RALGPS1: variants seen among roughly 807,000 people sequenced by gnomAD.
RALGPS1 encodes the protein Ral GEF with PH domain and SH3 binding motif 1, also known as ras-specific guanine nucleotide-releasing factor RalGPS1.
Under a neutral mutation model 78.8 loss-of-function variants are expected in RALGPS1, and 19 were observed. The observed-to-expected ratio is 0.24, with a 90% CI of 0.17 to 0.35. The LOEUF is 0.35. Ranked by LOEUF, RALGPS1 falls within the 10% of genes least tolerant of loss-of-function variation. RALGPS1 has a pLI of 1.00. For synonymous variants in RALGPS1, 228 were observed against 256.3 expected, an observed-to-expected ratio of 0.89 and a Z score of 1.06; for missense variants, 454 against 688.3, an observed-to-expected ratio of 0.66 and a Z score of 3.81.
intron 8 of RALGPS1, among the ~76,000 whole-genome samples, chr9:127,157,933 A>G (rs1207453100): frequency 2.6e-5 from 4 of 152,012 alleles, no homozygotes; most frequent in African/African-American, 9.7e-5. Flanking sequence ...CATTGTTTTA[A>G]TTTTCTAATA....
intron 8 of RALGPS1, among the ~76,000 whole-genome samples, chr9:127,106,724 C>T (rs1443667921): frequency 2.6e-5 from 4 of 152,230 alleles, no homozygotes; most frequent in Non-Finnish European, 4.4e-5. Flanking sequence ...TCACCCACCC[C>T]ATCTGAAAAC....
chr9:126,964,189 C>G (rs2039208701), intron 2 of RALGPS1, among the ~76,000 whole-genome samples: 1 of 151,818 alleles, frequency 6.6e-6, no homozygotes, highest in African/African-American at 2.4e-5. Context: ...GAAACCCTGC[C>G]CCTACTGAAA....
In RALGPS1 at chr9:127,127,630, T is replaced by C. The variant is rs2056714208; in HGVS notation, c.611-38439T>C. 2.6e-5 allele frequency among the ~76,000 whole-genome samples: 4 copies of C among 152,078 alleles called. No homozygotes were observed. The South Asian group carries it at 8.3e-4, about 31-fold the overall frequency. On this transcript the variant is annotated intron_variant, in intron 8 of 18. Coordinates refer to ENST00000259351, the MANE Select transcript of RALGPS1 (RefSeq NM_014636.3). ...AGATGTACTGTCCTCACAAGCCCTG[T>C]TGGAGCACCTTATGTAGCTACTTGT...
intron 14 of RALGPS1, among the ~76,000 whole-genome samples, chr9:127,209,412 C>T (rs2062112648): frequency 6.6e-6 from 1 of 152,206 alleles, no homozygotes; most frequent in African/African-American, 2.4e-5. Context: ...TGCACTCCAC[C>T]CCTCTTTCTG....
At chr9:127,164,744 T>A (rs901346091) in intron 8 of RALGPS1, among the ~76,000 whole-genome samples, 1 of 151,982 alleles carries the variant, frequency 6.6e-6, no homozygotes, top group Non-Finnish European at 1.5e-5. Flanking sequence ...TTTGTCATGT[T>A]GCCCAGGCTG....
chr9:127,013,948 T>C (rs557124784), intron 4 of RALGPS1, among the ~76,000 whole-genome samples: 23 of 152,218 alleles, frequency 1.5e-4, no homozygotes, highest in Non-Finnish European at 3.1e-4. Flanking sequence ...CTTTTCCTTA[T>C]GCGTTCAGCA....
chr9:126,930,553 A>G (rs571858), intron 1 of RALGPS1, among the ~76,000 whole-genome samples: 110,494 of 152,108 alleles, frequency 0.73, 40,364 homozygotes, highest in East Asian at 0.82. Context: ...GACGGTTCTC[A>G]TGCTTCAGCC....
intron 1 of RALGPS1, among the ~76,000 whole-genome samples, chr9:126,937,973 G>A (rs2036414403): frequency 6.6e-6 from 1 of 152,166 alleles, no homozygotes; most frequent in South Asian, 2.1e-4. Context: ...GGGGAGGTGG[G>A]TGCTCCTTTA....
chr9:126,969,836 T>C (rs1445327870), intron 3 of RALGPS1, among the ~76,000 whole-genome samples: 1 of 152,158 alleles, frequency 6.6e-6, no homozygotes, highest in Non-Finnish European at 1.5e-5. Context: ...CTGGGAAGAC[T>C]GTAGGGAAGG....
At chr9:127,118,271 A>G (rs1288207122) in intron 8 of RALGPS1, among the ~76,000 whole-genome samples, 1 of 152,120 alleles carries the variant, frequency 6.6e-6, no homozygotes, top group Non-Finnish European at 1.5e-5. Flanking sequence ...ACTGTTATGA[A>G]CTCAGTCATA....
At chr9:127,167,782 C>T (rs2059368821) in intron 9 of RALGPS1, among the ~76,000 whole-genome samples, 1 of 152,222 alleles carries the variant, frequency 6.6e-6, no homozygotes. Flanking sequence ...GGTCCTTCCT[C>T]GCCCTCTTTT....
At chr9:127,075,692 T>C (rs1484747320) in intron 8 of RALGPS1, among the ~76,000 whole-genome samples, 3 of 152,256 alleles carry the variant, frequency 2.0e-5, no homozygotes, top group African/African-American at 7.2e-5. Flanking sequence ...TGTAGGTCAG[T>C]CCCTGATACT....
intron 11 of RALGPS1, among the ~76,000 whole-genome samples, chr9:127,193,189 G>A (rs553612089): frequency 2.8e-4 from 42 of 152,278 alleles, no homozygotes; most frequent in South Asian, 2.7e-3. Flanking sequence ...GAAGGGCCCC[G>A]GCCTGGTGGG....
chr9:127,207,193 C>T (rs1181373443), intron 14 of RALGPS1, among the ~76,000 whole-genome samples: 1 of 152,102 alleles, frequency 6.6e-6, no homozygotes, highest in East Asian at 1.9e-4. Context: ...TCTCATTGTC[C>T]CATCATTATC....
At chr9:126,959,486 C>CT (rs1354466320) in intron 1 of RALGPS1, among the ~76,000 whole-genome samples, 1 of 152,126 alleles carries the variant, frequency 6.6e-6, no homozygotes, top group East Asian at 1.9e-4. Context: ...ACAAAAATGA[C>CT]TATCAAATGA....
chr9:127,217,012 C>G, intron 18 of RALGPS1: 1 of 1,518,238 alleles, frequency 6.6e-7, no homozygotes, highest in Non-Finnish European at 8.8e-7. Flanking sequence ...AGCCTGGGCA[C>G]CATGGTGGCC....
intron 1 of RALGPS1, among the ~76,000 whole-genome samples, chr9:126,928,955 G>GCCTCAGT (rs1256502359): frequency 6.6e-6 from 1 of 152,078 alleles, no homozygotes; most frequent in African/African-American, 2.4e-5. Context: ...ACCTCTTTGG[G>GCCTCAGT]CCTCAGTTTT....
In RALGPS1 at chr9:127,218,953, A is replaced by G. The variant is rs2062702421; in HGVS notation, c.*184A>G. The stretch of plus-strand genomic sequence containing the variant: ...TTCACCAGTGTGGGATCCACCTGTC[A>G]GTCCCCAGCGACTCTCATGACACTC... On this transcript the variant is annotated 3_prime_UTR_variant, in exon 19 of 19. Coordinates refer to ENST00000259351, the MANE Select transcript of RALGPS1 (RefSeq NM_014636.3). The surrounding 1 kb of genome is among the most constrained non-coding windows in gnomAD (Gnocchi z 4.4). 4.5e-6 allele frequency: 3 copies of G among 672,754 alleles called. No homozygotes were observed. The highest frequency in any genetic ancestry group is 4.1e-4 in the Middle Eastern group (1 of 2,426). 41.7% of individuals were successfully genotyped at this position (672,754 alleles called of 1,614,324 possible). A position where few individuals can be genotyped will look rare whatever the true frequency, so the allele number is the denominator to read the frequency against.
rs527366504 is a variant in RALGPS1 at position 127,008,814 on chromosome 9, T to C, written c.217-25617T>C. Reference sequence around the variant, plus strand: ...GATTATTGGGAGAGTTCATGTATAATGAATTTAGATCCTGGCTAGAACATA... The same window carrying C: ...GATTATTGGGAGAGTTCATGTATAACGAATTTAGATCCTGGCTAGAACATA... On this transcript the variant is annotated intron_variant, in intron 4 of 18. Coordinates refer to ENST00000259351, the MANE Select transcript of RALGPS1 (RefSeq NM_014636.3). Among the ~76,000 whole-genome samples, 3 of 152,328 alleles carry C rather than the reference T, an allele frequency of 2.0e-5. No individual in the cohort carries two copies. In the East Asian group the frequency reaches 5.8e-4, roughly 29 times the overall value.
Sources: allele counts gnomAD v4.1 joint callset (sites outside exome capture counted in the v4.1 genomes callset), GRCh38; gene constraint gnomAD v4.1.1; non-coding constraint Gnocchi (gnomAD v3.1); transcripts MANE v1.5; gene names NCBI Gene and HGNC (gene_info 2026-07-23, HGNC 2026-07-21).